CLEC9A: variants seen among roughly 807,000 people sequenced by gnomAD.
The protein encoded by CLEC9A is C-type lectin domain containing 9A, also known as C-type lectin domain family 9 member A.
In CLEC9A, 24 loss-of-function variants were observed where a neutral mutation model predicts 30.0. The observed-to-expected ratio is 0.80, with a 90% confidence interval of 0.58 to 1.13. The LOEUF (loss-of-function observed/expected upper bound fraction) is 1.13. Among genes scored for constraint, CLEC9A ranks in the 50% most tolerant of loss-of-function variants. CLEC9A has a pLI of 0.00. For synonymous variants in CLEC9A, 111 were observed against 96.8 expected (o/e 1.15, Z -0.86); for missense variants, 251 against 280.9 (o/e 0.89, Z 0.76).
chr12:10,064,671 A>C, intron 7 of CLEC9A, 61 bp from the exon 8 acceptor site: 1 of 1,535,212 alleles, frequency 6.5e-7, no homozygotes, highest in Non-Finnish European at 8.8e-7. Flanking sequence ...CACACTTTAT[A>C]TTTCACTAGA....
chr12:10,063,187 T>C lies in CLEC9A; in HGVS notation c.452T>C (p.Ile151Thr), dbSNP rs761482339. ...CLKEGSTLLQ[I>T]ESKEEMDFIT... is the part of the protein sequence containing the mutation. Reference sequence around the variant, plus strand: ...AAGGAAGGTTCCACGCTGCTACAAATAGAGAGCAAAGAAGAAATGGTAAAC... The same window carrying C: ...AAGGAAGGTTCCACGCTGCTACAAACAGAGAGCAAAGAAGAAATGGTAAAC... Residue 151 changes from isoleucine to threonine, a missense_variant, in exon 7 of 9, where the codon ATA becomes ACA. By Grantham distance (89) the Ile-to-Thr change is moderately conservative. Coordinates refer to ENST00000355819, the MANE Select transcript of CLEC9A (RefSeq NM_207345.4). 14 of 1,604,164 alleles carry C rather than the reference T, an allele frequency of 8.7e-6. No homozygotes were observed. The highest frequency in any genetic ancestry group is 7.0e-5 in the Admixed American group (4 of 57,382).
At chr12:10,060,274 T>C (rs1305799240) in intron 5 of CLEC9A, among the ~76,000 whole-genome samples, 1 of 152,248 alleles carries the variant, frequency 6.6e-6, no homozygotes, top group Admixed American at 6.5e-5. Context: ...GTAGCTCTAT[T>C]TGTAATGACT....
intron 2 of CLEC9A, among the ~76,000 whole-genome samples, chr12:10,048,141 G>A (rs1298636887): frequency 6.6e-6 from 1 of 150,390 alleles, no homozygotes; most frequent in East Asian, 1.9e-4. Flanking sequence ...GCTGAGGCAG[G>A]AGAATGGCGT....
chr12:10,040,452 A>AT (rs11452760), intron 1 of CLEC9A, among the ~76,000 whole-genome samples: 19,577 of 137,058 alleles, frequency 0.14, 1,643 homozygotes, highest in Non-Finnish European at 0.2. Flanking sequence ...TACATTGGCA[A>AT]TTTTTTTTTT....
chr12:10,064,903 T>G, intron 8 of CLEC9A, 50 bp downstream of exon 8: 2 of 1,549,920 alleles, frequency 1.3e-6, no homozygotes, highest in Non-Finnish European at 1.8e-6. Context: ...CATGAGGGAA[T>G]TCAAAAGTTT....
At chr12:10,065,449 A>G (rs751871673) in intron 8 of CLEC9A, 51 bp from the exon 9 acceptor site, 1 of 1,607,442 alleles carries the variant, frequency 6.2e-7, no homozygotes, top group Non-Finnish European at 8.5e-7. Context: ...CCTCAGGAGC[A>G]TTTCTGAAAC....
chr12:10,056,262 C>T (rs1053736051), intron 5 of CLEC9A, among the ~76,000 whole-genome samples: 4 of 151,794 alleles, frequency 2.6e-5, no homozygotes, highest in African/African-American at 9.7e-5. Flanking sequence ...GAAATTGTAC[C>T]TATAGATAAA....
At chr12:10,062,146 G>T (rs891776439) in intron 6 of CLEC9A, among the ~76,000 whole-genome samples, 1 of 152,170 alleles carries the variant, frequency 6.6e-6, no homozygotes, top group Non-Finnish European at 1.5e-5. Context: ...CAATACCATT[G>T]TCTACACTAT....
At chr12:10,034,319 A>G (rs1380173599) in intron 1 of CLEC9A, among the ~76,000 whole-genome samples, 1 of 152,382 alleles carries the variant, frequency 6.6e-6, no homozygotes, top group African/African-American at 2.4e-5. Flanking sequence ...TCTTAAAAAA[A>G]GGAAGAAAGC....
intron 5 of CLEC9A, among the ~76,000 whole-genome samples, chr12:10,055,907 A>T (rs1355476135): frequency 2.0e-5 from 3 of 151,556 alleles, no homozygotes; most frequent in Admixed American, 2.0e-4. Flanking sequence ...AAATGCAAAA[A>T]AATTAGCCGG....
chr12:10,050,369 G>A (rs886723418), intron 2 of CLEC9A, among the ~76,000 whole-genome samples: 7 of 152,140 alleles, frequency 4.6e-5, no homozygotes, highest in Non-Finnish European at 7.4e-5. Flanking sequence ...CAGAGTTGCC[G>A]CAAATCTTCA....
rs774425195 is a variant in CLEC9A, at chr12:10,052,755, GTC to G, written c.70_71del (p.Leu24ValfsTer85). 6.2e-7 allele frequency: 1 copy of G among 1,613,356 alleles called. No individual in the cohort carries two copies. The highest frequency in any genetic ancestry group is 1.1e-5 in the South Asian group (1 of 91,056). On this transcript the variant is annotated frameshift_variant, in exon 4 of 9. Coordinates refer to ENST00000355819, the MANE Select transcript of CLEC9A (RefSeq NM_207345.4). LOFTEE classifies it high-confidence loss of function. ...CCAGCACCAGACACTTACCAGAAAT[GTC>G]TGTCTTCCAACAAATGTTCAGGTAA...
intron 2 of CLEC9A, among the ~76,000 whole-genome samples, chr12:10,045,152 G>A (rs1865834956): frequency 1.3e-5 from 2 of 152,060 alleles, no homozygotes; most frequent in African/African-American, 2.4e-5. Flanking sequence ...TCTAAATCCT[G>A]CCCTTCCATC....
Position 10,054,188 on chromosome 12 carries a change from T to A in CLEC9A, c.92-83T>A, listed in dbSNP as rs1403821191. ...GAAATGCCAATGTTAATTCCTTCTT[T>A]TACTCAATCTCAATCTATCCTTGCC... is the stretch of plus-strand genomic sequence containing the variant. On this transcript the variant is annotated intron_variant, in intron 4 of 8. Transcript: ENST00000355819. 5 of 1,083,028 alleles carry A rather than the reference T, an allele frequency of 4.6e-6. No individual in the cohort carries two copies. In the African/African-American group the frequency reaches 7.9e-5, roughly 17 times the overall value. The allele number at this position is 1,083,028 out of a possible 1,614,324, so 67.1% of individuals were successfully genotyped here.
chr12:10,038,425 A>G (rs1865761638), intron 1 of CLEC9A, among the ~76,000 whole-genome samples: 1 of 152,258 alleles, frequency 6.6e-6, no homozygotes, highest in Non-Finnish European at 1.5e-5. Flanking sequence ...AATATGTACA[A>G]GCTATGCCAA....
intron 6 of CLEC9A, 52 bp from the exon 7 acceptor site, chr12:10,063,003 T>G: frequency 6.7e-7 from 1 of 1,502,964 alleles, no homozygotes; most frequent in Non-Finnish European, 8.9e-7. Flanking sequence ...GAGGGATATA[T>G]GTTGTTAATA....
At chr12:10,054,960 T>G (rs187386649) in intron 5 of CLEC9A, among the ~76,000 whole-genome samples, 1 of 152,212 alleles carries the variant, frequency 6.6e-6, no homozygotes, top group African/African-American at 2.4e-5. Flanking sequence ...CTTATATGCC[T>G]TTGCAAATCA....
chr12:10,048,054 A>C (rs1865861818), intron 2 of CLEC9A, among the ~76,000 whole-genome samples: 1 of 151,258 alleles, frequency 6.6e-6, no homozygotes, highest in Non-Finnish European at 1.5e-5. Context: ...TAACAAGGTG[A>C]AACCCCGTCT....
intron 5 of CLEC9A, among the ~76,000 whole-genome samples, chr12:10,056,543 T>C (rs1285303481): frequency 1.3e-5 from 2 of 152,166 alleles, no homozygotes; most frequent in Non-Finnish European, 2.9e-5. Flanking sequence ...CTGAAATTAT[T>C]TTTTAAATGT....
Sources: gnomAD v4.1 joint callset for allele counts (sites outside exome capture counted in the v4.1 genomes callset) on GRCh38, gnomAD v4.1.1 for gene constraint, MANE v1.5 for transcripts, NCBI Gene and HGNC (gene_info 2026-07-23, HGNC 2026-07-21) for gene names.